The following MAF variants were observed in gnomAD, a reference collection of about 807,000 sequenced individuals.
MAF encodes the protein transcription factor Maf.
Under a neutral mutation model 22.0 loss-of-function variants are expected in MAF, and 10 were observed. The observed-to-expected ratio is 0.45, with a 90% CI of 0.28 to 0.77. MAF has a LOEUF of 0.77. Among genes scored for constraint, MAF ranks in the 30% least tolerant of loss-of-function variants. The pLI, the probability that MAF is intolerant of heterozygous loss-of-function variation, is 0.12. For missense variants in MAF, 544 were observed against 548.4 expected (o/e 0.99, Z 0.08); for synonymous variants, 337 against 255.8 (o/e 1.32, Z -3.03).
the MAF span, among the ~76,000 whole-genome samples, chr16:79,570,265 C>T: frequency 6.6e-6 from 1 of 152,222 alleles, no homozygotes; most frequent in East Asian, 1.9e-4. Flanking sequence ...TCTAACCCCT[C>T]CCTCCAGCCC....
At chr16:79,515,558 G>A in the MAF span, among the ~76,000 whole-genome samples, 3 of 152,234 alleles carry the variant, frequency 2.0e-5, no homozygotes, top group Admixed American at 2.0e-4. Flanking sequence ...AGGATGCTAG[G>A]TAGGTTAGGT....
At chr16:79,221,939 G>C in the MAF span, among the ~76,000 whole-genome samples, 1 of 151,998 alleles carries the variant, frequency 6.6e-6, no homozygotes, top group Non-Finnish European at 1.5e-5. Context: ...TTAGCTATTT[G>C]TTAATACACT....
the MAF span, among the ~76,000 whole-genome samples, chr16:79,380,911 AG>A: frequency 6.6e-6 from 1 of 152,228 alleles, no homozygotes; most frequent in Non-Finnish European, 1.5e-5. Context: ...GGCCAGGGGT[AG>A]CCTTCAGACT....
chr16:79,460,098 T>C, the MAF span, among the ~76,000 whole-genome samples: 4 of 152,212 alleles, frequency 2.6e-5, no homozygotes, highest in Non-Finnish European at 5.9e-5. Context: ...CAGATCTTTG[T>C]ATTCTGTGAA....
the MAF span, among the ~76,000 whole-genome samples, chr16:79,328,664 G>A: frequency 1.3e-5 from 2 of 152,146 alleles, no homozygotes; most frequent in African/African-American, 2.4e-5. Context: ...TGATTTGGGA[G>A]TCTTTCATTT....
the MAF span, among the ~76,000 whole-genome samples, chr16:79,223,868 A>C: frequency 4.8e-4 from 73 of 152,338 alleles, no homozygotes; most frequent in Non-Finnish European, 6.9e-4. Flanking sequence ...GGAGTAATTA[A>C]TAGCCTACCA....
chr16:79,492,262 G>A, the MAF span, among the ~76,000 whole-genome samples: 15 of 152,164 alleles, frequency 9.9e-5, no homozygotes, highest in African/African-American at 3.6e-4. Flanking sequence ...TGGGATTAGG[G>A]TGAGGTGAGC....
the MAF span, among the ~76,000 whole-genome samples, chr16:79,216,836 G>C: frequency 6.8e-6 from 1 of 148,104 alleles, no homozygotes; most frequent in Admixed American, 6.7e-5. Context: ...TTGAGATGGA[G>C]TCTCGCTCTG....
the MAF span, among the ~76,000 whole-genome samples, chr16:79,417,269 C>T: frequency 0.53 from 81,027 of 151,992 alleles, 22,427 homozygotes; most frequent in East Asian, 0.9. Context: ...CTGTGGTGAA[C>T]TACACCGACA....
the MAF span, among the ~76,000 whole-genome samples, chr16:79,341,554 G>C: frequency 6.6e-6 from 1 of 152,198 alleles, no homozygotes; most frequent in African/African-American, 2.4e-5. Flanking sequence ...CTAGAAATCA[G>C]GGTTCTTCCC....
At chr16:79,242,710 G>C in the MAF span, among the ~76,000 whole-genome samples, 14 of 151,962 alleles carry the variant, frequency 9.2e-5, no homozygotes, top group African/African-American at 3.1e-4. Flanking sequence ...AGATCTAATA[G>C]ACATCTACAG....
At chr16:79,233,611 G>T in the MAF span, among the ~76,000 whole-genome samples, 2 of 152,074 alleles carry the variant, frequency 1.3e-5, no homozygotes, top group Admixed American at 1.3e-4. Flanking sequence ...AACCAGCTCT[G>T]TCCCACTGGG....
the MAF span, among the ~76,000 whole-genome samples, chr16:79,568,083 G>C: frequency 6.6e-6 from 1 of 152,168 alleles, no homozygotes; most frequent in Non-Finnish European, 1.5e-5. Flanking sequence ...ACAGTAAAGA[G>C]GACAATATGT....
the MAF span, among the ~76,000 whole-genome samples, chr16:79,368,150 G>C: frequency 7.2e-5 from 11 of 152,178 alleles, no homozygotes; most frequent in African/African-American, 2.7e-4. Flanking sequence ...GGAGCACAGA[G>C]ATTGCACAGA....
At chr16:79,487,044 A>C in the MAF span, among the ~76,000 whole-genome samples, 10 of 152,180 alleles carry the variant, frequency 6.6e-5, no homozygotes, top group African/African-American at 2.2e-4. Flanking sequence ...GGGAGGCCTA[A>C]AGTTCCACTC....
At chr16:79,402,809 T>C in the MAF span, among the ~76,000 whole-genome samples, 1 of 152,208 alleles carries the variant, frequency 6.6e-6, no homozygotes, top group Non-Finnish European at 1.5e-5. Context: ...CTCTCACTGT[T>C]GTACCTGCCC....
chr16:79,380,252 G>C, the MAF span, among the ~76,000 whole-genome samples: 5 of 152,288 alleles, frequency 3.3e-5, no homozygotes, highest in East Asian at 7.7e-4. Flanking sequence ...CATTAGAATA[G>C]CTGCTTATTG....
the MAF span, among the ~76,000 whole-genome samples, chr16:79,510,992 C>A: frequency 4.6e-5 from 7 of 152,302 alleles, 1 homozygote; most frequent in South Asian, 4.1e-4. Flanking sequence ...TGAGTGGGTT[C>A]CAAACCTGGC....
chr16:79,600,292 G>A lies in MAF; in HGVS notation c.-390C>T, dbSNP rs1008202591. The A allele has an allele frequency of 1.4e-5, 3 of 221,066 alleles. No individual in the cohort carries two copies. The highest frequency in any genetic ancestry group is 6.9e-5 in the African/African-American group (3 of 43,302). The allele number at this position is 221,066 out of a possible 1,614,324, so 13.7% of individuals were successfully genotyped here. ...CCCGGCCCGGTGCGCGGCGTCCCCC[G>A]CTCGCCGCTCCGCTGCGCGCTTTGC... On this transcript the variant is annotated 5_prime_UTR_variant, in exon 1 of 2. Coordinates refer to ENST00000326043, the MANE Select transcript of MAF (RefSeq NM_005360.5).
Sources: gnomAD v4.1 joint callset for allele counts (sites outside exome capture counted in the v4.1 genomes callset) on GRCh38, gnomAD v4.1.1 for gene constraint, MANE v1.5 for transcripts, NCBI Gene and HGNC (gene_info 2026-07-23, HGNC 2026-07-21) for gene names.